NKAIN2: variants seen among roughly 807,000 people sequenced by gnomAD.
NKAIN2 encodes sodium/potassium transporting ATPase interacting 2.
In NKAIN2, 14 loss-of-function variants were observed where a neutral mutation model predicts 32.6. That is an observed-to-expected ratio of 0.43 (90% CI 0.28 to 0.67). The LOEUF is 0.67. Ranked by LOEUF, NKAIN2 falls within the 30% of genes least tolerant of loss-of-function variation. NKAIN2 has a pLI of 0.17. For missense variants in NKAIN2, 198 were observed against 258.3 expected (o/e 0.77, Z 1.60); for synonymous variants, 80 against 87.2 (o/e 0.92, Z 0.46).
At chr6:124,199,859 G>A (rs762658417) in intron 1 of NKAIN2, among the ~76,000 whole-genome samples, 18 of 152,132 alleles carry the variant, frequency 1.2e-4, no homozygotes, top group African/African-American at 1.9e-4. Context: ...CTTAATAGTA[G>A]TGAAGATTCA....
chr6:124,686,590 T>A (rs1376126776), intron 4 of NKAIN2, among the ~76,000 whole-genome samples: 1 of 152,102 alleles, frequency 6.6e-6, no homozygotes, highest in East Asian at 1.9e-4. Context: ...CTACCAGGCC[T>A]CACCTCCAAC....
intron 3 of NKAIN2, among the ~76,000 whole-genome samples, chr6:124,507,616 G>A (rs560551369): frequency 1.5e-4 from 23 of 152,106 alleles, no homozygotes; most frequent in African/African-American, 5.3e-4. Context: ...TGTACAGGAG[G>A]GGCAGCTTTA....
intron 3 of NKAIN2, among the ~76,000 whole-genome samples, chr6:124,357,392 A>G (rs528137810): frequency 6.6e-5 from 10 of 152,312 alleles, no homozygotes; most frequent in African/African-American, 1.7e-4. Flanking sequence ...TTCTTCAGGT[A>G]ATACAGTGCC....
At chr6:123,883,222 G>A (rs948234481) in intron 1 of NKAIN2, among the ~76,000 whole-genome samples, 2 of 152,046 alleles carry the variant, frequency 1.3e-5, no homozygotes, top group Non-Finnish European at 2.9e-5. Context: ...TCGGCTCACT[G>A]CAAGCTCCGC....
intron 1 of NKAIN2, among the ~76,000 whole-genome samples, chr6:123,962,894 G>T (rs1777909655): frequency 6.6e-6 from 1 of 152,158 alleles, no homozygotes; most frequent in Non-Finnish European, 1.5e-5. Context: ...ACTGTCTGCA[G>T]TTCCTCAAGT....
At chr6:124,759,919 T>C (rs548569714) in intron 4 of NKAIN2, among the ~76,000 whole-genome samples, 1 of 151,840 alleles carries the variant, frequency 6.6e-6, no homozygotes, top group East Asian at 2.0e-4. Flanking sequence ...GTGGCACGCT[T>C]AGACAAAGGT....
At chr6:124,426,888 TCTCTG>T (rs373249615) in intron 3 of NKAIN2, among the ~76,000 whole-genome samples, 2 of 152,250 alleles carry the variant, frequency 1.3e-5, no homozygotes, top group East Asian at 1.9e-4. Context: ...TCTCTTCTCT[TCTCTG>T]CTGCCATGTG....
intron 3 of NKAIN2, among the ~76,000 whole-genome samples, chr6:124,422,490 A>G (rs1018061597): frequency 2.6e-5 from 4 of 152,186 alleles, no homozygotes; most frequent in Admixed American, 6.5e-5. Flanking sequence ...ATTACTGTGT[A>G]CTATCTCAGA....
intron 1 of NKAIN2, chr6:124,121,834 C>G: frequency 5.7e-6 from 4 of 698,546 alleles, no homozygotes; most frequent in Non-Finnish European, 7.9e-6. Context: ...TTAAATGGGT[C>G]ACCCTCTAAT....
At chr6:124,759,339 T>C (rs1253176720) in intron 4 of NKAIN2, among the ~76,000 whole-genome samples, 1 of 152,146 alleles carries the variant, frequency 6.6e-6, no homozygotes, top group Non-Finnish European at 1.5e-5. Context: ...CATTGACAAA[T>C]TTTTCTAAGC....
At chr6:124,023,561 A>G (rs1362909785) in intron 1 of NKAIN2, among the ~76,000 whole-genome samples, 1 of 152,160 alleles carries the variant, frequency 6.6e-6, no homozygotes, top group Non-Finnish European at 1.5e-5. Flanking sequence ...ATGTTAACTC[A>G]TTGATGTTTA....
intron 4 of NKAIN2, among the ~76,000 whole-genome samples, chr6:124,716,644 A>G (rs756647654): frequency 7.9e-5 from 12 of 152,088 alleles, no homozygotes; most frequent in Non-Finnish European, 1.6e-4. Flanking sequence ...CTTTTTCTTG[A>G]ACATGCCAAG....
chr6:123,903,207 A>G (rs1774690801), intron 1 of NKAIN2, among the ~76,000 whole-genome samples: 1 of 152,210 alleles, frequency 6.6e-6, no homozygotes, highest in Admixed American at 6.5e-5. Flanking sequence ...CCTTTGCCAT[A>G]TTAGCTGTTT....
chr6:124,569,942 G>A (rs527600794), intron 3 of NKAIN2, among the ~76,000 whole-genome samples: 3 of 152,312 alleles, frequency 2.0e-5, no homozygotes, highest in South Asian at 4.1e-4. Context: ...TTGTTGAATG[G>A]CTTTGCCCAA....
chr6:124,726,445 C>A (rs985490410), intron 4 of NKAIN2, among the ~76,000 whole-genome samples: 18 of 152,076 alleles, frequency 1.2e-4, no homozygotes, highest in Non-Finnish European at 2.4e-4. Flanking sequence ...CCAGCAGGGG[C>A]ACACTGACAC....
At chr6:124,105,542 A>G (rs375597303) in intron 1 of NKAIN2, among the ~76,000 whole-genome samples, 71 of 152,304 alleles carry the variant, frequency 4.7e-4, no homozygotes, top group African/African-American at 1.7e-3. Flanking sequence ...AGAGAGAGAC[A>G]CATGTAAGAG....
intron 1 of NKAIN2, among the ~76,000 whole-genome samples, chr6:124,198,730 C>G (rs568842391): frequency 1.3e-5 from 2 of 152,060 alleles, no homozygotes; most frequent in Non-Finnish European, 2.9e-5. Flanking sequence ...TCATTCTGCT[C>G]CTGCCTGTCT....
chr6:124,771,950 A>G (rs1778779610), intron 4 of NKAIN2, among the ~76,000 whole-genome samples: 1 of 152,178 alleles, frequency 6.6e-6, no homozygotes, highest in African/African-American at 2.4e-5. Flanking sequence ...TACTATAAGT[A>G]GCTCAATGAG....
intron 5 of NKAIN2, among the ~76,000 whole-genome samples, chr6:124,798,242 G>C (rs925453708): frequency 6.6e-6 from 1 of 152,082 alleles, no homozygotes; most frequent in African/African-American, 2.4e-5. Context: ...TTCAGAAAAG[G>C]TGCCAAGTTC....
Sources: gnomAD v4.1 joint callset for allele counts (sites outside exome capture counted in the v4.1 genomes callset) on GRCh38, gnomAD v4.1.1 for gene constraint, MANE v1.5 for transcripts, NCBI Gene and HGNC (gene_info 2026-07-23, HGNC 2026-07-21) for gene names.